The following TENM3 variants were observed in gnomAD, a reference collection of about 807,000 sequenced individuals.
TENM3 encodes the protein teneurin transmembrane protein 3.
In TENM3, 63 loss-of-function variants were observed where a neutral mutation model predicts 255.1. That is an observed-to-expected ratio of 0.25 (90% CI 0.20 to 0.30). TENM3 has a LOEUF of 0.30. TENM3 is among the 10% of genes least tolerant of loss of function. The pLI is 1.00. For synonymous variants in TENM3, 1,306 were observed against 1,322.3 expected (o/e 0.99, Z 0.27); for missense variants, 2,929 against 3,461.1 (o/e 0.85, Z 3.86).
chr4:182,370,154 T>C (rs192834596), intron 3 of TENM3, among the ~76,000 whole-genome samples: 111 of 152,350 alleles, frequency 7.3e-4, no homozygotes, highest in Middle Eastern at 3.4e-3. Context: ...GAAAGTCATG[T>C]TGGGTCAGGA....
chr4:182,162,516 G>A (rs7699509), intron 1 of TENM3, among the ~76,000 whole-genome samples: 123,203 of 152,110 alleles, frequency 0.81, 50,536 homozygotes, highest in Admixed American at 0.89. Context: ...GTTTGTTCCA[G>A]TGCCATCTCA....
chr4:181,612,186 T>G, the TENM3 span, among the ~76,000 whole-genome samples: 1 of 152,174 alleles, frequency 6.6e-6, no homozygotes, highest in Non-Finnish European at 1.5e-5. Flanking sequence ...ATTTCAGAGA[T>G]GAGGGTCCCC....
chr4:182,777,695 C>A (rs1488575281), intron 24 of TENM3, among the ~76,000 whole-genome samples: 1 of 149,810 alleles, frequency 6.7e-6, no homozygotes, highest in Non-Finnish European at 1.5e-5. Flanking sequence ...GTAGCTAGGA[C>A]TACAGACACA....
Position 182,679,746 on chromosome 4 carries a change from G to A in TENM3, c.1407G>A (p.Gly469=). The A allele has an allele frequency of 6.2e-7, 1 of 1,613,872 alleles. No homozygotes were observed. The highest frequency in any genetic ancestry group is 8.5e-7 in the Non-Finnish European group (1 of 1,179,896). The change falls in exon 8 of 28, where the codon GGG becomes GGA. Residue 469 remains glycine (G), a synonymous_variant. Coordinates refer to ENST00000511685, the MANE Select transcript of TENM3 (RefSeq NM_001080477.4). ...GCCTGCTTGAGACGGAGAGAGCCGG[G>A]CGGCAGGCGAGATCCGTCAGCCTTC... The part of the protein sequence containing the change: ...QRSLLETERA[G]RQARSVSLHE...
At chr4:182,755,367 T>C (rs1029228665) in intron 22 of TENM3, 108 bp downstream of exon 22, 7 of 1,120,934 alleles carry the variant, frequency 6.2e-6, no homozygotes, top group Non-Finnish European at 8.5e-6. Flanking sequence ...TTTTTGAGAG[T>C]CTAGAGCTTC....
At chr4:181,520,066 G>A in the TENM3 span, among the ~76,000 whole-genome samples, 4 of 152,328 alleles carry the variant, frequency 2.6e-5, no homozygotes, top group African/African-American at 9.6e-5. Context: ...TTAGGTTTTG[G>A]GTTAGCAAAT....
At chr4:181,581,456 CA>C in the TENM3 span, among the ~76,000 whole-genome samples, 1 of 151,970 alleles carries the variant, frequency 6.6e-6, no homozygotes. Context: ...CAAAACAAAA[CA>C]AAACAAAACA....
At chr4:181,727,796 T>C in the TENM3 span, among the ~76,000 whole-genome samples, 99,506 of 152,106 alleles carry the variant, frequency 0.65, 35,147 homozygotes, top group East Asian at 0.83. Flanking sequence ...TTTTAAATTA[T>C]ATATATCTCC....
At chr4:182,783,014 G>T (rs1765304329) in intron 24 of TENM3, among the ~76,000 whole-genome samples, 1 of 150,320 alleles carries the variant, frequency 6.7e-6, no homozygotes, top group African/African-American at 2.4e-5. Flanking sequence ...TATCCAATTT[G>T]CCAGTCTGTG....
the TENM3 span, among the ~76,000 whole-genome samples, chr4:181,888,397 G>A: frequency 2.7e-5 from 4 of 149,798 alleles, no homozygotes; most frequent in African/African-American, 9.9e-5. Context: ...GTAGGTAAAC[G>A]TTTAGATAGC....
chr4:182,778,624 G>A (rs1011089154), intron 24 of TENM3, among the ~76,000 whole-genome samples: 2 of 152,190 alleles, frequency 1.3e-5, no homozygotes, highest in Admixed American at 6.5e-5. Context: ...ATCACTCCCT[G>A]GGAAAATTGT....
At chr4:182,798,893 T>G (rs1766688913) in intron 27 of TENM3, among the ~76,000 whole-genome samples, 1 of 152,190 alleles carries the variant, frequency 6.6e-6, no homozygotes, top group African/African-American at 2.4e-5. Context: ...CAGACAAACA[T>G]CTGGTGGTAT....
chr4:181,905,214 G>A, the TENM3 span, among the ~76,000 whole-genome samples: 4 of 152,052 alleles, frequency 2.6e-5, no homozygotes, highest in Non-Finnish European at 4.4e-5. Flanking sequence ...ATTGTTCCTG[G>A]CATAATTATA....
the TENM3 span, among the ~76,000 whole-genome samples, chr4:181,916,017 C>G: frequency 2.0e-5 from 3 of 152,084 alleles, no homozygotes; most frequent in Non-Finnish European, 4.4e-5. Context: ...AGAATAAAGT[C>G]TAAAATCCGT....
chr4:181,448,219 T>G, the TENM3 span, among the ~76,000 whole-genome samples: 1 of 129,786 alleles, frequency 7.7e-6, no homozygotes, highest in East Asian at 2.4e-4. Context: ...CAGGCTGGAG[T>G]GCAGTGGCGC....
At chr4:181,498,180 C>A in the TENM3 span, among the ~76,000 whole-genome samples, 2 of 152,102 alleles carry the variant, frequency 1.3e-5, no homozygotes, top group Admixed American at 1.3e-4. Flanking sequence ...CAACCTACAG[C>A]CTTACCCCTA....
chr4:181,583,507 T>C, the TENM3 span, among the ~76,000 whole-genome samples: 1 of 152,202 alleles, frequency 6.6e-6, no homozygotes, highest in South Asian at 2.1e-4. Context: ...GGCAGCTATA[T>C]GGATTGTTCA....
intron 3 of TENM3, among the ~76,000 whole-genome samples, chr4:182,520,870 T>C (rs1230192719): frequency 6.6e-6 from 1 of 152,198 alleles, no homozygotes; most frequent in East Asian, 1.9e-4. Context: ...TTATTTTTTC[T>C]AATGGTAATT....
intron 3 of TENM3, among the ~76,000 whole-genome samples, chr4:182,465,145 T>C (rs1732464741): frequency 6.6e-6 from 1 of 152,234 alleles, no homozygotes; most frequent in Non-Finnish European, 1.5e-5. Flanking sequence ...TCTAGTAATG[T>C]CTTTCTTAAG....
Sources: gnomAD v4.1 joint callset for allele counts (sites outside exome capture counted in the v4.1 genomes callset) on GRCh38, gnomAD v4.1.1 for gene constraint, MANE v1.5 for transcripts, NCBI Gene and HGNC (gene_info 2026-07-23, HGNC 2026-07-21) for gene names.